Variants in VTI1A observed in about 807,000 individuals in gnomAD.
VTI1A encodes the protein vesicle transport through interaction with t-SNAREs 1A.
A neutral mutation model predicts 34.9 loss-of-function variants in VTI1A; 22 were observed. The observed-to-expected ratio is 0.63, with a 90% confidence interval of 0.45 to 0.90. VTI1A has a LOEUF of 0.90. Ranked by LOEUF, VTI1A falls within the 40% of genes least tolerant of loss-of-function variation. VTI1A has a pLI of 0.00. For synonymous variants in VTI1A, 87 were observed against 97.3 expected (o/e 0.89, Z 0.62); for missense variants, 268 against 275.6 (o/e 0.97, Z 0.20).
At chr10:112,644,278 A>G (rs1846690229) in intron 5 of VTI1A, among the ~76,000 whole-genome samples, 1 of 152,234 alleles carries the variant, frequency 6.6e-6, no homozygotes, top group African/African-American at 2.4e-5. Flanking sequence ...GAAACTGCTT[A>G]GGATTTGAAG....
At chr10:112,804,069 C>T (rs1438091949) in intron 7 of VTI1A, among the ~76,000 whole-genome samples, 1 of 152,210 alleles carries the variant, frequency 6.6e-6, no homozygotes, top group Non-Finnish European at 1.5e-5. Context: ...ACATAGAGTG[C>T]AATGTAACTA....
At chr10:112,714,782 CA>C (rs1383066148) in intron 7 of VTI1A, among the ~76,000 whole-genome samples, 3 of 152,124 alleles carry the variant, frequency 2.0e-5, no homozygotes, top group East Asian at 3.9e-4. Context: ...GCTATTCGAT[CA>C]AAAAAACACT....
chr10:112,569,406 A>G (rs1852034945), intron 5 of VTI1A, among the ~76,000 whole-genome samples: 1 of 152,212 alleles, frequency 6.6e-6, no homozygotes, highest in East Asian at 1.9e-4. Context: ...ATAAAGTCAA[A>G]TCCTTTACTT....
At chr10:112,534,785 A>G (rs958530574) in intron 4 of VTI1A, among the ~76,000 whole-genome samples, 2 of 152,198 alleles carry the variant, frequency 1.3e-5, no homozygotes, top group African/African-American at 4.8e-5. Flanking sequence ...GGTGAGGGAT[A>G]ACATAAATAT....
At chr10:112,772,638 A>T (rs1851846037) in intron 7 of VTI1A, among the ~76,000 whole-genome samples, 1 of 152,172 alleles carries the variant, frequency 6.6e-6, no homozygotes, top group Non-Finnish European at 1.5e-5. Context: ...GGACTTATTT[A>T]TCTGTTATCT....
chr10:112,587,813 G>A (rs181236843), intron 5 of VTI1A, among the ~76,000 whole-genome samples: 7 of 152,090 alleles, frequency 4.6e-5, no homozygotes, highest in Non-Finnish European at 1.0e-4. Context: ...ATGACTTTTA[G>A]ACTTCCTTCT....
Position 112,565,192 on chromosome 10 carries a change from T to C in VTI1A, c.427+26862T>C, listed in dbSNP as rs575734904. Among the ~76,000 whole-genome samples the C allele has an allele frequency of 2.7e-4, 41 of 152,292 alleles. 1 individual carries two copies. The highest frequency in any genetic ancestry group is 9.9e-4 in the African/African-American group (41 of 41,578). On this transcript the variant is annotated intron_variant, in intron 5 of 7. Transcript: ENST00000393077. ...CTCTGTTTAGTTGGCCTAATACAGTTGTTAAATTGGAATAATTTTTCTGAT... is the reference window on the plus strand; with the variant it reads ...CTCTGTTTAGTTGGCCTAATACAGTCGTTAAATTGGAATAATTTTTCTGAT...
chr10:112,653,662 G>C (rs1383032748), intron 5 of VTI1A, among the ~76,000 whole-genome samples: 3 of 152,210 alleles, frequency 2.0e-5, no homozygotes, highest in African/African-American at 7.2e-5. Flanking sequence ...ACAGTGGCTA[G>C]TATAAAATGA....
Position 112,815,375 on chromosome 10 carries a change from A to G in VTI1A, c.646A>G (p.Arg216Gly), listed in dbSNP as rs1853488393. 6.2e-7 allele frequency: 1 copy of G among 1,613,522 alleles called. No individual in the cohort carries two copies. ...ILMAITFSVR[R>G]H The stretch of plus-strand genomic sequence containing the variant: ...GATGGCGATCACTTTTTCTGTCAGA[A>G]GACACTGATGTATCTGCTCTCCCTT... The change falls in exon 8 of 8, where the codon AGA (arginine) becomes GGA (glycine). Residue 216 changes from arginine to glycine, a missense_variant. By Grantham distance (125) the Arg-to-Gly change is moderately radical. Transcript: ENST00000393077.
intron 5 of VTI1A, among the ~76,000 whole-genome samples, chr10:112,550,508 T>G (rs568446209): frequency 6.6e-6 from 1 of 152,338 alleles, no homozygotes; most frequent in Non-Finnish European, 1.5e-5. Flanking sequence ...AAAATGGCTT[T>G]TTTGTGTGTG....
intron 1 of VTI1A, among the ~76,000 whole-genome samples, chr10:112,454,660 A>G (rs1030965393): frequency 6.6e-6 from 1 of 151,836 alleles, no homozygotes; most frequent in Admixed American, 6.6e-5. Flanking sequence ...GATCATACAT[A>G]CTATGCTAAG....
chr10:112,451,937 GTAT>G (rs745627521), intron 1 of VTI1A, among the ~76,000 whole-genome samples: 45 of 152,286 alleles, frequency 3.0e-4, no homozygotes, highest in African/African-American at 9.4e-4. Flanking sequence ...ATGCAATTAC[GTAT>G]TATTGAAATT....
intron 3 of VTI1A, among the ~76,000 whole-genome samples, chr10:112,474,903 C>T (rs1848227159): frequency 6.6e-6 from 1 of 152,156 alleles, no homozygotes; most frequent in Non-Finnish European, 1.5e-5. Flanking sequence ...ACAGAGCTCC[C>T]ATTAATTTCA....
At chr10:112,473,875 C>A (rs982281287) in intron 3 of VTI1A, among the ~76,000 whole-genome samples, 1 of 152,222 alleles carries the variant, frequency 6.6e-6, no homozygotes, top group East Asian at 1.9e-4. Flanking sequence ...TTTATAGACT[C>A]TAGAATTAAA....
In VTI1A at chr10:112,776,702, G is replaced by A. The variant is rs555003373; in HGVS notation, c.561-38588G>A. Reference sequence around the variant, plus strand: ...ATTTTTTTTTTTTTTTTTTTGAGACGGAGTCTTGTTCTGTCGCCCAGGTTG... The same window carrying A: ...ATTTTTTTTTTTTTTTTTTTGAGACAGAGTCTTGTTCTGTCGCCCAGGTTG... On this transcript the variant is annotated intron_variant, in intron 7 of 7. Transcript: ENST00000393077. 2.7e-3 allele frequency among the ~76,000 whole-genome samples: 366 copies of A among 134,152 alleles called. 4 individuals carry two copies. Among genetic ancestry groups the A allele is most frequent in the South Asian group, 0.017 (76 of 4,424 alleles). 88.0% of individuals were successfully genotyped at this position (134,152 alleles called of 152,430 possible).
the VTI1A span, chr10:112,831,353 G>A: frequency 1.3e-5 from 2 of 152,324 alleles, no homozygotes; most frequent in Admixed American, 1.3e-4. Context: ...GACAAGAGGT[G>A]GGGCTGGGAA....
At chr10:112,456,582 G>A (rs1847534197) in intron 1 of VTI1A, among the ~76,000 whole-genome samples, 2 of 152,108 alleles carry the variant, frequency 1.3e-5, no homozygotes, top group South Asian at 2.1e-4. Context: ...ACAGAAACAA[G>A]CAAAGACTAT....
chr10:112,845,869 T>TA, the VTI1A span, among the ~76,000 whole-genome samples: 1 of 151,822 alleles, frequency 6.6e-6, no homozygotes, highest in South Asian at 2.1e-4. Context: ...AATACAAAAA[T>TA]TAGCCGGGCG....
chr10:112,500,919 A>G (rs1221529639), intron 3 of VTI1A, among the ~76,000 whole-genome samples: 1 of 152,166 alleles, frequency 6.6e-6, no homozygotes, highest in Non-Finnish European at 1.5e-5. Context: ...CAAACTACTT[A>G]GCATGTAAGC....
Sources: gnomAD v4.1 joint callset for allele counts (sites outside exome capture counted in the v4.1 genomes callset) on GRCh38, gnomAD v4.1.1 for gene constraint, MANE v1.5 for transcripts, NCBI Gene and HGNC (gene_info 2026-07-23, HGNC 2026-07-21) for gene names.